VPS13A: variants seen among roughly 807,000 people sequenced by gnomAD.
VPS13A encodes intermembrane lipid transfer protein VPS13A.
VPS13A carries 264 observed loss-of-function variants against 390.9 expected under a neutral mutation model. That is an observed-to-expected ratio of 0.68 (90% confidence interval 0.61 to 0.75). The LOEUF is 0.75. Ranked by LOEUF, VPS13A falls within the 30% of genes least tolerant of loss-of-function variation. The pLI is 0.00. For missense variants in VPS13A, 3,409 were observed against 3,733.9 expected (o/e 0.91, Z 2.27); for synonymous variants, 1,231 against 1,227.1 (o/e 1.00, Z -0.07).
intron 1 of VPS13A, among the ~76,000 whole-genome samples, chr9:77,195,460 G>C (rs899080538): frequency 6.6e-6 from 1 of 152,032 alleles, no homozygotes; most frequent in South Asian, 2.1e-4. Context: ...TCGGTGTCCC[G>C]GTGCAGTGGC....
intron 35 of VPS13A, among the ~76,000 whole-genome samples, chr9:77,310,441 A>G (rs1829006136): frequency 6.6e-6 from 1 of 152,240 alleles, no homozygotes; most frequent in Non-Finnish European, 1.5e-5. Context: ...ACAGACAGGA[A>G]AGTGTTTTCT....
chr9:77,404,887 C>G (rs890927167), intron 69 of VPS13A, among the ~76,000 whole-genome samples: 3 of 152,058 alleles, frequency 2.0e-5, no homozygotes, highest in African/African-American at 7.2e-5. Context: ...CTCCTGTAAT[C>G]CAGGACTGGT....
chr9:77,254,361 G>A (rs1340954038), intron 22 of VPS13A, among the ~76,000 whole-genome samples: 3 of 152,100 alleles, frequency 2.0e-5, no homozygotes, highest in African/African-American at 7.2e-5. Flanking sequence ...ATATGCAAGA[G>A]CTTATTTTTG....
At position 77,370,908 on chromosome 9, in the gene VPS13A, A is replaced by G; in HGVS notation, c.8926A>G (p.Thr2976Ala). 1.9e-6 allele frequency: 3 copies of G among 1,613,590 alleles called. No homozygotes were observed. The highest frequency in any genetic ancestry group is 2.5e-6 in the Non-Finnish European group (3 of 1,179,974). Residue 2976 changes from threonine (T) to alanine (A), a missense_variant, in exon 66 of 72, where the codon ACA (threonine) becomes GCA (alanine). Transcript: ENST00000360280. ...CTTCTAGGGATTTGTTAGTGGCATA[A>G]CAGGAATTGTTACAAAACCAATCAA... Reference protein sequence around the residue: ...GLVSGFVSGITGIVTKPIKGA... With the variant: ...GLVSGFVSGIAGIVTKPIKGA...
intron 58 of VPS13A, 71 bp from the exon 59 acceptor site, chr9:77,360,465 T>G: frequency 8.7e-7 from 1 of 1,151,756 alleles, no homozygotes; most frequent in Non-Finnish European, 1.3e-6. Flanking sequence ...CATACTTTTT[T>G]CTCATCTAAT....
chr9:77,217,401 C>T (rs1188204503), intron 10 of VPS13A, among the ~76,000 whole-genome samples: 1 of 152,094 alleles, frequency 6.6e-6, no homozygotes, highest in African/African-American at 2.4e-5. Flanking sequence ...TTCAGTGTTT[C>T]CATCACCTGA....
At chr9:77,316,482 C>G in intron 39 of VPS13A, 76 bp downstream of exon 39, 1 of 1,242,842 alleles carries the variant, frequency 8.0e-7, no homozygotes, top group Non-Finnish European at 1.2e-6. Context: ...GAAACAAAAA[C>G]TACCTACATG....
Position 77,417,089 on chromosome 9 carries a change from G to A in VPS13A, c.*1083G>A, listed in dbSNP as rs190509141. 2.6e-5 allele frequency: 4 copies of A among 152,208 alleles called. No homozygotes were observed. Among genetic ancestry groups the A allele is most frequent in the Admixed American group, 2.0e-4 (3 of 15,300 alleles). The allele number at this position is 152,208 out of a possible 1,614,324, so 9.4% of individuals were successfully genotyped here. A position where few individuals can be genotyped will look rare whatever the true frequency, so the allele number is the denominator to read the frequency against. ...ATAAGGACATGAGGTTTTCTTTCTTGGTTTTTGTCCAAGATCTTTGCACCT... is the reference window on the plus strand; with the variant it reads ...ATAAGGACATGAGGTTTTCTTTCTTAGTTTTTGTCCAAGATCTTTGCACCT... On this transcript the variant is annotated 3_prime_UTR_variant, in exon 72 of 72. Transcript: ENST00000360280.
intron 34 of VPS13A, among the ~76,000 whole-genome samples, chr9:77,304,942 C>CTT (rs577555061): frequency 4.2e-5 from 6 of 141,744 alleles, no homozygotes; most frequent in African/African-American, 1.0e-4. Flanking sequence ...GACTTTTTTT[C>CTT]TTTTTTTTTT....
chr9:77,238,477 T>A (rs1043561876), intron 19 of VPS13A, 91 bp downstream of exon 19: 21 of 971,256 alleles, frequency 2.2e-5, no homozygotes, highest in Non-Finnish European at 3.2e-5. Context: ...AAGTTTATTT[T>A]AAATTTATTA....
At chr9:77,197,034 C>T (rs987822779) in intron 1 of VPS13A, among the ~76,000 whole-genome samples, 31 of 152,112 alleles carry the variant, frequency 2.0e-4, no homozygotes, top group African/African-American at 7.5e-4. Context: ...GATAGCCAGT[C>T]TAATAGGTTG....
intron 68 of VPS13A, among the ~76,000 whole-genome samples, chr9:77,401,566 G>A (rs1035062078): frequency 4.6e-5 from 7 of 151,788 alleles, no homozygotes; most frequent in South Asian, 2.1e-4. Context: ...CCTTGTAAAC[G>A]GGATTTCTTT....
chr9:77,372,487 AAAT>A (rs1433726210), intron 67 of VPS13A, among the ~76,000 whole-genome samples: 3 of 152,254 alleles, frequency 2.0e-5, no homozygotes, highest in East Asian at 3.9e-4. Context: ...ACGTATTTCA[AAAT>A]AATAAGAGCT....
At chr9:77,241,771 G>A (rs1183898814) in intron 19 of VPS13A, among the ~76,000 whole-genome samples, 2 of 152,114 alleles carry the variant, frequency 1.3e-5, no homozygotes, top group Non-Finnish European at 2.9e-5. Context: ...TGCTTAAGAT[G>A]TTCTGGACTG....
intron 29 of VPS13A, 105 bp downstream of exon 29, chr9:77,282,379 A>G (rs1412780467): frequency 9.1e-7 from 1 of 1,098,030 alleles, no homozygotes; most frequent in Non-Finnish European, 1.3e-6. Context: ...TGGCTTCAGA[A>G]TTCTGTTGCC....
intron 67 of VPS13A, among the ~76,000 whole-genome samples, chr9:77,372,396 T>C (rs1294121398): frequency 1.3e-5 from 2 of 152,232 alleles, no homozygotes; most frequent in Non-Finnish European, 2.9e-5. Flanking sequence ...ATTTCTCGGA[T>C]GGCCAGTGAT....
intron 26 of VPS13A, 33 bp downstream of exon 26, chr9:77,276,254 T>A (rs527565545): frequency 7.2e-6 from 11 of 1,517,368 alleles, no homozygotes; most frequent in Middle Eastern, 2.3e-4. Flanking sequence ...ATAAATAAAT[T>A]AATTTCATTG....
At chr9:77,399,887 TCTA>T (rs1434939438) in intron 68 of VPS13A, among the ~76,000 whole-genome samples, 1 of 152,204 alleles carries the variant, frequency 6.6e-6, no homozygotes, top group Non-Finnish European at 1.5e-5. Context: ...TGTATGCATT[TCTA>T]CTTTTCATTC....
At chr9:77,329,467 A>G (rs2131472574) in intron 45 of VPS13A, among the ~76,000 whole-genome samples, 1 of 152,312 alleles carries the variant, frequency 6.6e-6, no homozygotes, top group East Asian at 1.9e-4. Flanking sequence ...AGGGTTATTA[A>G]TTGTCCTAAT....
Sources: allele counts gnomAD v4.1 joint callset (sites outside exome capture counted in the v4.1 genomes callset), GRCh38; gene constraint gnomAD v4.1.1; transcripts MANE v1.5; gene names NCBI Gene and HGNC (gene_info 2026-07-23, HGNC 2026-07-21).